Variants in HSF1 observed in about 807,000 individuals in gnomAD.
HSF1 encodes the protein heat shock factor protein 1.
HSF1 carries 32 observed loss-of-function variants against 51.7 expected under a neutral mutation model. The observed-to-expected ratio is 0.62, with a 90% CI of 0.47 to 0.83. The LOEUF is 0.83. Among genes scored for constraint, HSF1 ranks in the 40% least tolerant of loss-of-function variants. The pLI, the probability that HSF1 is intolerant of heterozygous loss-of-function variation, is 0.00. For missense variants in HSF1, 727 were observed against 717.0 expected (o/e 1.01, Z -0.16); for synonymous variants, 396 against 309.7 (o/e 1.28, Z -2.92).
Position 144,314,058 on chromosome 8 carries a change from A to C in HSF1, c.1384+4A>C, listed in dbSNP as rs1817038242. The C allele has an allele frequency of 8.1e-6, 13 of 1,606,694 alleles. No homozygotes were observed. Among genetic ancestry groups the C allele is most frequent in the Non-Finnish European group, 1.1e-5 (13 of 1,178,250 alleles). On this transcript the variant is annotated splice_donor_region_variant and intron_variant, in intron 12 of 12. Coordinates refer to ENST00000528838, the MANE Select transcript of HSF1 (RefSeq NM_005526.4). ...GAGAACAGCAGCCCGGATTCAGGTG[A>C]GCCAAGTCCCACCGGCCCCACCTCT...
intron 1 of HSF1, among the ~76,000 whole-genome samples, chr8:144,300,418 C>T (rs1036545111): frequency 2.0e-5 from 3 of 151,850 alleles, no homozygotes; most frequent in South Asian, 2.1e-4. Flanking sequence ...GGGGTTTCAC[C>T]GTGTTAGCCA....
At chr8:144,305,118 T>TA (rs1816128058) in intron 1 of HSF1, among the ~76,000 whole-genome samples, 1 of 151,052 alleles carries the variant, frequency 6.6e-6, no homozygotes, top group African/African-American at 2.4e-5. Flanking sequence ...GGCTAATTTT[T>TA]ATATTTTTAG....
At position 144,301,925 on chromosome 8, in the gene HSF1, A is replaced by C. The variant is rs1554842414; in HGVS notation, c.118-6981A>C. Reference sequence around the variant, plus strand: ...GGTGGTGGTGCCTGTGGTGCCAGCTACTCAGAGGCTCGGGTGGAAGGATTG... The same window carrying C: ...GGTGGTGGTGCCTGTGGTGCCAGCTCCTCAGAGGCTCGGGTGGAAGGATTG... On this transcript the variant is annotated intron_variant, in intron 1 of 12. Coordinates refer to ENST00000528838, the MANE Select transcript of HSF1 (RefSeq NM_005526.4). Among the ~76,000 whole-genome samples the C allele has an allele frequency of 5.6e-4, 84 of 150,814 alleles. 6 individuals carry two copies. The South Asian group carries it at 0.012, about 22-fold the overall frequency.
In HSF1 at chr8:144,300,296, A is replaced by G. The variant is rs1002081754; in HGVS notation, c.117+8422A>G. Among the ~76,000 whole-genome samples, 32 of 138,874 alleles carry G rather than the reference A, an allele frequency of 2.3e-4. 1 individual carries two copies. Among genetic ancestry groups the G allele is most frequent in the Admixed American group, 7.6e-4 (9 of 11,918 alleles). 91.1% of individuals were successfully genotyped at this position (138,874 alleles called of 152,430 possible). On this transcript the variant is annotated intron_variant, in intron 1 of 12. Coordinates refer to ENST00000528838, the MANE Select transcript of HSF1 (RefSeq NM_005526.4). Reference sequence around the variant, plus strand: ...CAGTGGCACAATCTCGGCTCACTGCAACCTCCACCTCCCAGGTCCAAGCAA... The same window carrying G: ...CAGTGGCACAATCTCGGCTCACTGCGACCTCCACCTCCCAGGTCCAAGCAA...
intron 4 of HSF1, 154 bp downstream of exon 4, chr8:144,310,050 G>T (rs1036642228): frequency 1.1e-6 from 1 of 887,968 alleles, no homozygotes; most frequent in Non-Finnish European, 1.7e-6. Context: ...CCCCAGCCCC[G>T]CCGCCCGTGG....
At position 144,311,311 on chromosome 8, in the gene HSF1, C is replaced by T. The variant is rs781789588; in HGVS notation, c.565-10C>T. Reference sequence around the variant, plus strand: ...AAGGGCCGGGGTAACTGTGTCCTCTCTCTCCACAGCTCATTCAGTTCCTGA... The same window carrying T: ...AAGGGCCGGGGTAACTGTGTCCTCTTTCTCCACAGCTCATTCAGTTCCTGA... On this transcript the variant is annotated splice_polypyrimidine_tract_variant and intron_variant, in intron 5 of 12. Transcript: ENST00000528838. The T allele has an allele frequency of 1.2e-6, 2 of 1,613,896 alleles. No individual in the cohort carries two copies. Among genetic ancestry groups the T allele is most frequent in the East Asian group, 2.2e-5 (1 of 44,892 alleles).
intron 1 of HSF1, among the ~76,000 whole-genome samples, chr8:144,298,335 G>A (rs998809771): frequency 2.0e-5 from 3 of 152,092 alleles, no homozygotes; most frequent in Non-Finnish European, 4.4e-5. Flanking sequence ...GGTGGCTCAC[G>A]GCTGTAATCC....
chr8:144,300,663 T>C (rs574237969), intron 1 of HSF1, among the ~76,000 whole-genome samples: 1 of 152,342 alleles, frequency 6.6e-6, no homozygotes, highest in South Asian at 2.1e-4. Flanking sequence ...TCCTCAAAAT[T>C]GTCAAGGTTC....
chr8:144,309,918 T>G, intron 4 of HSF1, 22 bp downstream of exon 4: 1 of 1,609,278 alleles, frequency 6.2e-7, no homozygotes, highest in East Asian at 2.2e-5. Context: ...ACCAGCATTA[T>G]GGGCCACAGC....
rs1554844803 is a variant in HSF1, at chr8:144,312,021, A to G, written c.919A>G (p.Ser307Gly). 6.2e-7 allele frequency: 1 copy of G among 1,603,792 alleles called. No individual in the cohort carries two copies. The highest frequency in any genetic ancestry group is 8.5e-7 in the Non-Finnish European group (1 of 1,174,034). The change falls in exon 9 of 13, where the codon AGC (serine) becomes GGC (glycine). Residue 307 changes from serine to glycine, a missense_variant. This residue lies in a region of HSF1 where 470 missense variants were observed against 398.8 expected (regional missense o/e 1.18). Coordinates refer to ENST00000528838, the MANE Select transcript of HSF1 (RefSeq NM_005526.4). ...GGAGGAGCCCCCCAGCCCGCCTCAG[A>G]GCCCCCGGGTAGAGGAGGCGAGTCC... ...VKEEPPSPPQ[S>G]PRVEEASPGR...
At chr8:144,313,036 C>T (rs527906782) in intron 9 of HSF1, 105 of 468,964 alleles carry the variant, frequency 2.2e-4, no homozygotes, top group African/African-American at 1.6e-3. Flanking sequence ...CCTGGCTGTC[C>T]GTCCCATAGC....
intron 1 of HSF1, among the ~76,000 whole-genome samples, chr8:144,303,140 G>A (rs1355030659): frequency 6.6e-6 from 1 of 152,056 alleles, no homozygotes; most frequent in Non-Finnish European, 1.5e-5. Flanking sequence ...TCCACTGGGG[G>A]TCCTTTATGA....
At chr8:144,301,256 A>G (rs933881400) in intron 1 of HSF1, among the ~76,000 whole-genome samples, 1 of 152,042 alleles carries the variant, frequency 6.6e-6, no homozygotes, top group Non-Finnish European at 1.5e-5. Context: ...CTGTCTCTAT[A>G]AATAATACAA....
rs369366319 is a variant in HSF1 at position 144,312,134 on chromosome 8, C to T, written c.1032C>T (p.Ser344=). The T allele has an allele frequency of 5.6e-6, 9 of 1,611,962 alleles. No individual in the cohort carries two copies. The highest frequency in any genetic ancestry group is 1.3e-5 in the African/African-American group (1 of 74,904). ...ILRESEPAPA[S]VTALTDARGH... ...GGGAGAGTGAACCTGCCCCCGCCTC[C>T]GTCACAGCCCTCACGGACGCCAGGG... is the stretch of plus-strand genomic sequence containing the variant. Residue 344 remains serine (S), a synonymous_variant, in exon 9 of 13, where the codon TCC becomes TCT. Coordinates refer to ENST00000528838, the MANE Select transcript of HSF1 (RefSeq NM_005526.4).
At chr8:144,313,375 GC>G (rs1236329787) in intron 9 of HSF1, 135 bp from the exon 10 acceptor site, 3 of 620,902 alleles carry the variant, frequency 4.8e-6, no homozygotes, top group Non-Finnish European at 8.7e-6. Context: ...CGAATGCGCT[GC>G]CCCCTCCAGC....
At chr8:144,307,259 A>G (rs946907247) in intron 1 of HSF1, among the ~76,000 whole-genome samples, 1 of 152,232 alleles carries the variant, frequency 6.6e-6, no homozygotes, top group Non-Finnish European at 1.5e-5. Context: ...GAGAGCTTCA[A>G]GTCAAATCAG....
At chr8:144,299,759 A>G (rs1815731425) in intron 1 of HSF1, among the ~76,000 whole-genome samples, 1 of 151,540 alleles carries the variant, frequency 6.6e-6, no homozygotes, top group Non-Finnish European at 1.5e-5. Context: ...AATACAAAAA[A>G]TTAGCCGGGC....
intron 1 of HSF1, among the ~76,000 whole-genome samples, 170 bp from the exon 2 acceptor site, chr8:144,308,736 C>T (rs1376520748): frequency 6.6e-6 from 1 of 152,164 alleles, no homozygotes; most frequent in Non-Finnish European, 1.5e-5. Context: ...GGCAGGTGGT[C>T]CCAGGAACGA....
At chr8:144,308,882 C>T in intron 1 of HSF1, 24 bp from the exon 2 acceptor site, 1 of 1,600,916 alleles carries the variant, frequency 6.2e-7, no homozygotes, top group Non-Finnish European at 8.6e-7. Context: ...CCACGCGTGA[C>T]CCACCCATGT....
Sources: gnomAD v4.1 joint callset for allele counts (sites outside exome capture counted in the v4.1 genomes callset) on GRCh38, gnomAD v4.1.1 for gene constraint, gnomAD v4.1.1 regional missense constraint, MANE v1.5 for transcripts, NCBI Gene and HGNC (gene_info 2026-07-23, HGNC 2026-07-21) for gene names.